The following KIFC3 variants were observed in gnomAD, a reference collection of about 807,000 sequenced individuals.
KIFC3 encodes kinesin family member C3, also known as kinesin-like protein KIFC3.
In KIFC3, 60 loss-of-function variants were observed where a neutral mutation model predicts 101.8. The ratio of observed to expected loss-of-function variants is 0.59; its 90% CI spans 0.48 to 0.73. KIFC3 has a LOEUF of 0.73. KIFC3 is among the 30% of genes least tolerant of loss of function. The pLI, the probability that KIFC3 is intolerant of heterozygous loss-of-function variation, is 0.00. For missense variants in KIFC3, 966 were observed against 1,137.1 expected (o/e 0.85, Z 2.16); for synonymous variants, 476 against 482.7 (o/e 0.99, Z 0.18).
chr16:57,805,050 C>T (rs960411719), upstream of KIFC3, among the ~76,000 whole-genome samples: 4 of 151,970 alleles, frequency 2.6e-5, no homozygotes, highest in Non-Finnish European at 4.4e-5. Context: ...AGGCTGGTTT[C>T]GAACTCCTGA....
At chr16:57,852,440 T>C (rs180845039) in intron 1 of KIFC3, among the ~76,000 whole-genome samples, 52 of 152,308 alleles carry the variant, frequency 3.4e-4, no homozygotes, top group Admixed American at 4.6e-4. Context: ...GCCAGAGGTC[T>C]CAGTGTTCTG....
upstream of KIFC3, chr16:57,803,438 A>C (rs2149245211): frequency 2.1e-6 from 1 of 485,192 alleles, no homozygotes; most frequent in South Asian, 1.5e-5. Context: ...CAGCCCATGC[A>C]GGCTGACGGT....
At position 57,845,230 on chromosome 16, in the gene KIFC3, C is replaced by T. The variant is rs554892323; in HGVS notation, c.108+17499G>A. 1.6e-4 allele frequency among the ~76,000 whole-genome samples: 25 copies of T among 152,308 alleles called. No individual in the cohort carries two copies. In the South Asian group the frequency reaches 4.6e-3, roughly 28 times the overall value. On this transcript the variant is annotated intron_variant, in intron 1 of 2. Transcript: ENST00000563028. The stretch of plus-strand genomic sequence containing the variant: ...CAGGTGCAGCCTTCATGTTACAACT[C>T]CTGCCGGCTCTACCTTCAAATATTA...
At chr16:57,817,076 C>T (rs1555629007) in intron 1 of KIFC3, 3 of 280,896 alleles carry the variant, frequency 1.1e-5, no homozygotes, top group Non-Finnish European at 2.1e-5. Context: ...CGTATTCTCT[C>T]GGCCAGGCGT....
intron 1 of KIFC3, among the ~76,000 whole-genome samples, chr16:57,830,086 G>A (rs2055542596): frequency 1.3e-5 from 2 of 152,104 alleles, no homozygotes; most frequent in Non-Finnish European, 2.9e-5. Flanking sequence ...TTATGTCCTC[G>A]AAAGGCCAGG....
chr16:57,795,187 A>G, intron 2 of KIFC3, 46 bp from the exon 3 acceptor site: 1 of 1,592,888 alleles, frequency 6.3e-7, no homozygotes, highest in Non-Finnish European at 8.5e-7. Flanking sequence ...ACCACTGGCC[A>G]AAGACTGCTA....
At chr16:57,790,078 C>CTTTCTTTCTTTCTTTCTTTCT (rs59016221) in intron 3 of KIFC3, among the ~76,000 whole-genome samples, 10 of 94,086 alleles carry the variant, frequency 1.1e-4, no homozygotes, top group Admixed American at 4.1e-4. Context: ...TTCTTTCTTT[C>CTTTCTTTCTTTCTTTCTTTCT]TTTTTTTTTT....
In KIFC3 at chr16:57,758,363, C is replaced by G. The variant is rs1344989813; in HGVS notation, c.*571G>C. 1 of 277,212 alleles carries G rather than the reference C, an allele frequency of 3.6e-6. No homozygotes were observed. The highest frequency in any genetic ancestry group is 7.1e-6 in the Non-Finnish European group (1 of 141,812). 17.2% of individuals were successfully genotyped at this position (277,212 alleles called of 1,614,324 possible). On this transcript the variant is annotated 3_prime_UTR_variant, in exon 20 of 20. Transcript: ENST00000445690. ...AGCAGAATCCCCCACCCGCTGGCTG[C>G]CTCTGCCAGCCATAAACACAGCACG... is the stretch of plus-strand genomic sequence containing the variant.
chr16:57,808,594 G>C (rs948302681), intron 1 of KIFC3, among the ~76,000 whole-genome samples: 3 of 152,034 alleles, frequency 2.0e-5, no homozygotes, highest in African/African-American at 7.3e-5. Flanking sequence ...CCAAGAGAGA[G>C]AGGAAAAACA....
chr16:57,783,321 T>C (rs782333991), intron 3 of KIFC3, among the ~76,000 whole-genome samples: 9 of 152,132 alleles, frequency 5.9e-5, no homozygotes, highest in Non-Finnish European at 5.9e-5. Context: ...TCAATAGGCC[T>C]GTTGGAGTGA....
At chr16:57,802,565 C>G (rs1409090116), upstream of KIFC3, 21 of 992,022 alleles carry the variant, frequency 2.1e-5, no homozygotes, top group Non-Finnish European at 2.5e-5. The surrounding 1 kb of genome is among the most constrained non-coding windows in gnomAD (Gnocchi z 5.0). Flanking sequence ...CCGACCCCGG[C>G]GGGGGGCGGC....
At chr16:57,788,598 C>T in intron 3 of KIFC3, 1 of 1,289,108 alleles carries the variant, frequency 7.8e-7, no homozygotes, top group Non-Finnish European at 1.0e-6. Context: ...ATTCATGGTG[C>T]CACCAGCTTC....
chr16:57,770,203 G>A (rs2050982696), intron 7 of KIFC3, among the ~76,000 whole-genome samples: 1 of 152,266 alleles, frequency 6.6e-6, no homozygotes, highest in African/African-American at 2.4e-5. Flanking sequence ...CCCTCAGGAA[G>A]GTAGGAGAGG....
intron 1 of KIFC3, among the ~76,000 whole-genome samples, chr16:57,811,918 CAAAA>C (rs533115992): frequency 1.4e-4 from 15 of 107,770 alleles, no homozygotes; most frequent in Non-Finnish European, 1.4e-4. Context: ...GACTCCGTCT[CAAAA>C]AAAAAAAAAA....
chr16:57,838,359 C>T (rs1357364741), intron 1 of KIFC3, among the ~76,000 whole-genome samples: 1 of 152,152 alleles, frequency 6.6e-6, no homozygotes, highest in African/African-American at 2.4e-5. Flanking sequence ...GCTGGGTCCT[C>T]GCAGCCACGC....
intron 3 of KIFC3, chr16:57,774,189 G>A (rs553086693): frequency 6.6e-6 from 1 of 152,144 alleles, no homozygotes; most frequent in East Asian, 1.9e-4. Context: ...CTCAGTGCCT[G>A]ATGAGAGGAC....
At chr16:57,792,209 G>A (rs1421508324) in intron 3 of KIFC3, among the ~76,000 whole-genome samples, 10 of 152,288 alleles carry the variant, frequency 6.6e-5, no homozygotes, top group Admixed American at 1.3e-4. Context: ...CTCGTGCACC[G>A]GCTTTCTTGG....
intron 3 of KIFC3, among the ~76,000 whole-genome samples, chr16:57,792,184 G>A (rs1229519853): frequency 1.3e-5 from 2 of 152,170 alleles, no homozygotes; most frequent in Non-Finnish European, 2.9e-5. Flanking sequence ...AGAACATGGG[G>A]GAGTGGTGGG....
intron 1 of KIFC3, among the ~76,000 whole-genome samples, chr16:57,817,750 T>C (rs1568083248): frequency 6.6e-6 from 1 of 152,174 alleles, no homozygotes; most frequent in Non-Finnish European, 1.5e-5. Flanking sequence ...GGGTTCCAGG[T>C]GGATATAAAT....
Sources: allele counts gnomAD v4.1 joint callset (sites outside exome capture counted in the v4.1 genomes callset), GRCh38; gene constraint gnomAD v4.1.1; non-coding constraint Gnocchi (gnomAD v3.1); transcripts MANE v1.5; gene names NCBI Gene and HGNC (gene_info 2026-07-23, HGNC 2026-07-21).